Variants in TDP2 observed in about 807,000 individuals in gnomAD.
TDP2 encodes the protein tyrosyl-DNA phosphodiesterase 2.
Under a neutral mutation model 42.8 loss-of-function variants are expected in TDP2, and 38 were observed. The ratio of observed to expected loss-of-function variants is 0.89; its 90% CI spans 0.68 to 1.16. The LOEUF (loss-of-function observed/expected upper bound fraction) is 1.16, where lower values mean the gene tolerates loss of function less well. Among genes scored for constraint, TDP2 ranks in the 50% most tolerant of loss-of-function variants. The pLI is 0.00. For synonymous variants in TDP2, 173 were observed against 150.6 expected (o/e 1.15, Z -1.09); for missense variants, 439 against 439.3 (o/e 1.00, Z 0.01).
intron 1 of TDP2, 43 bp from the exon 2 acceptor site, chr6:24,666,654 C>A (rs1188604268): frequency 3.7e-6 from 6 of 1,613,864 alleles, no homozygotes; most frequent in East Asian, 2.2e-5. Context: ...TGCGCTCCAC[C>A]GACCTAGGTA....
At chr6:24,661,446 C>T (rs1778146351) in intron 2 of TDP2, among the ~76,000 whole-genome samples, 1 of 152,210 alleles carries the variant, frequency 6.6e-6, no homozygotes, top group Non-Finnish European at 1.5e-5. Flanking sequence ...TGGGCACCTC[C>T]TTACTTTCTA....
At chr6:24,664,700 A>G (rs1362681953) in intron 2 of TDP2, among the ~76,000 whole-genome samples, 2 of 152,252 alleles carry the variant, frequency 1.3e-5, no homozygotes, top group East Asian at 3.9e-4. Context: ...TAAAGCCAAC[A>G]TCAAAAATCT....
At chr6:24,658,843 A>G (rs2143340) in intron 2 of TDP2, 109 bp from the exon 3 acceptor site, 178,647 of 1,101,538 alleles carry the variant, frequency 0.16, 14,973 homozygotes, top group South Asian at 0.26. Flanking sequence ...AAGAGCCCTA[A>G]AAGTGACACT....
chr6:24,666,759 A>C lies in TDP2; in HGVS notation c.104T>G (p.Val35Gly). 1.9e-6 allele frequency: 3 copies of C among 1,614,254 alleles called. No homozygotes were observed. The South Asian group carries it at 3.3e-5, about 18-fold the overall frequency. The stretch of plus-strand genomic sequence containing the variant: ...AGCCACTGCGGCATCGCAGCTTGCG[A>C]CCGAGGCAAACTCCACACACAGAAG... ...RRLLCVEFAS[V>G]ASCDAAVAQC... Residue 35 changes from valine to glycine, a missense_variant, in exon 1 of 7, where the codon GTC (valine) becomes GGC (glycine). Coordinates refer to ENST00000378198, the MANE Select transcript of TDP2 (RefSeq NM_016614.3).
intron 6 of TDP2, among the ~76,000 whole-genome samples, chr6:24,651,349 T>C (rs919121608): frequency 1.3e-5 from 2 of 152,172 alleles, no homozygotes; most frequent in South Asian, 2.1e-4. Context: ...TGAATATACA[T>C]GGCCTGTTAC....
At position 24,655,205 on chromosome 6, in the gene TDP2, A is replaced by G. The variant is rs572472127; in HGVS notation, c.518-675T>C. 5.9e-5 allele frequency among the ~76,000 whole-genome samples: 9 copies of G among 152,356 alleles called. No individual in the cohort carries two copies. In the South Asian group the frequency reaches 1.7e-3, roughly 28 times the overall value. On this transcript the variant is annotated intron_variant, in intron 4 of 6. Coordinates refer to ENST00000378198, the MANE Select transcript of TDP2 (RefSeq NM_016614.3). The stretch of plus-strand genomic sequence containing the variant: ...TACTACTTCTCATACTAGAAGTTTC[A>G]GAAAAATTATAGTAAATGAATAAAA...
chr6:24,659,422 T>C (rs1311996827), intron 2 of TDP2, among the ~76,000 whole-genome samples: 1 of 152,242 alleles, frequency 6.6e-6, no homozygotes, highest in African/African-American at 2.4e-5. Context: ...GGGTGTGTCA[T>C]GGGTGCGTCC....
At chr6:24,659,954 C>T (rs1778115696) in intron 2 of TDP2, among the ~76,000 whole-genome samples, 1 of 152,170 alleles carries the variant, frequency 6.6e-6, no homozygotes, top group African/African-American at 2.4e-5. Context: ...TGTTCCAGTC[C>T]ATAGTCTTGA....
At chr6:24,666,127 C>T in intron 2 of TDP2, 1 of 1,549,012 alleles carries the variant, frequency 6.5e-7, no homozygotes, top group African/African-American at 1.4e-5. Flanking sequence ...ACCTGTTATT[C>T]TGGCCGGTCA....
At chr6:24,660,464 C>T (rs1481691634) in intron 2 of TDP2, among the ~76,000 whole-genome samples, 1 of 152,160 alleles carries the variant, frequency 6.6e-6, no homozygotes, top group East Asian at 1.9e-4. Context: ...ATGGCACTTA[C>T]TTGTGTTCTA....
At chr6:24,653,829 C>A (rs1309968821) in intron 5 of TDP2, among the ~76,000 whole-genome samples, 2 of 152,206 alleles carry the variant, frequency 1.3e-5, no homozygotes, top group African/African-American at 4.8e-5. Context: ...ACACCTCTTG[C>A]AACTTGCAAA....
intron 2 of TDP2, among the ~76,000 whole-genome samples, chr6:24,663,075 C>G (rs1313882630): frequency 6.6e-6 from 1 of 152,152 alleles, no homozygotes; most frequent in East Asian, 1.9e-4. Flanking sequence ...AAACACAACC[C>G]CTACTTTCCT....
chr6:24,654,438 T>C lies in TDP2; in HGVS notation c.610A>G (p.Met204Val). Residue 204 changes from methionine to valine, a missense_variant, in exon 5 of 7, where the codon ATG becomes GTG. Transcript: ENST00000378198. ...TGCACACATAAAAGGTTTCTCATCA[T>C]TTTGGTACTTGGAAAAGGAATAATC... ...QEIIPFPSTK[M>V]MRNLLCVHVN... The C allele has an allele frequency of 6.4e-7, 1 of 1,561,288 alleles. No individual in the cohort carries two copies.
At position 24,650,568 on chromosome 6, in the gene TDP2, CCT is replaced by C. The variant is rs1777955699; in HGVS notation, c.*218_*219del. 2 of 543,190 alleles carry C rather than the reference CCT, an allele frequency of 3.7e-6. No homozygotes were observed. Among genetic ancestry groups the C allele is most frequent in the East Asian group, 3.2e-5 (1 of 31,296 alleles). 33.6% of individuals were successfully genotyped at this position (543,190 alleles called of 1,614,324 possible). A position where few individuals can be genotyped will look rare whatever the true frequency, so the allele number is the denominator to read the frequency against. On this transcript the variant is annotated 3_prime_UTR_variant, in exon 7 of 7. Transcript: ENST00000378198. ...TTGAAAACTCTGACAGGCTTTGTGC[CCT>C]TTTTATTAAATGGCCTCACATCCTG...
intron 4 of TDP2, among the ~76,000 whole-genome samples, chr6:24,656,782 C>T (rs1040722483): frequency 2.0e-5 from 3 of 152,122 alleles, no homozygotes; most frequent in Admixed American, 6.5e-5. Flanking sequence ...TACAAAGCTA[C>T]GACACAGACA....
At position 24,650,783 on chromosome 6, in the gene TDP2, G is replaced by A. The variant is rs778875394; in HGVS notation, c.*5C>T. 2 of 1,611,680 alleles carry A rather than the reference G, an allele frequency of 1.2e-6. No homozygotes were observed. Among genetic ancestry groups the A allele is most frequent in the South Asian group, 1.1e-5 (1 of 90,898 alleles). On this transcript the variant is annotated 3_prime_UTR_variant, in exon 7 of 7. Transcript: ENST00000378198. ...TCAGGGCAAAACCCACACTTGAAAA[G>A]CATTTTACAATATTATATCTAAGTT...
intron 6 of TDP2, 63 bp from the exon 7 acceptor site, chr6:24,651,132 A>AG: frequency 7.4e-7 from 1 of 1,351,168 alleles, no homozygotes; most frequent in Non-Finnish European, 1.0e-6. Context: ...CTTAAAAAAA[A>AG]AAAAAAAAAG....
Position 24,652,396 on chromosome 6 carries a change from T to A in TDP2, c.807+587A>T, listed in dbSNP as rs139013425. 1.8e-4 allele frequency among the ~76,000 whole-genome samples: 27 copies of A among 152,310 alleles called. No individual in the cohort carries two copies. In the East Asian group the frequency reaches 5.0e-3, roughly 28 times the overall value. ...TGGGTATTTACACCTAGAAGTGTAATTGATGCATCACATTAGTAATTCCAT... is the reference window on the plus strand; with the variant it reads ...TGGGTATTTACACCTAGAAGTGTAAATGATGCATCACATTAGTAATTCCAT... On this transcript the variant is annotated intron_variant, in intron 6 of 6. Transcript: ENST00000378198.
Position 24,654,289 on chromosome 6 carries a change from A to G in TDP2, c.636+123T>C, listed in dbSNP as rs556897889. ...TTTTAGAGAGTGTTAAAGACTATCTAAAAGAATCTACATGTGTGAAGCAAA... is the reference window on the plus strand; with the variant it reads ...TTTTAGAGAGTGTTAAAGACTATCTGAAAGAATCTACATGTGTGAAGCAAA... On this transcript the variant is annotated intron_variant, in intron 5 of 6. Transcript: ENST00000378198. 4 of 514,422 alleles carry G rather than the reference A, an allele frequency of 7.8e-6. No individual in the cohort carries two copies. The South Asian group carries it at 9.2e-5, about 12-fold the overall frequency. 31.9% of individuals were successfully genotyped at this position (514,422 alleles called of 1,614,324 possible). A position where few individuals can be genotyped will look rare whatever the true frequency, so the allele number is the denominator to read the frequency against.
Sources: allele counts gnomAD v4.1 joint callset (sites outside exome capture counted in the v4.1 genomes callset), GRCh38; gene constraint gnomAD v4.1.1; transcripts MANE v1.5; gene names NCBI Gene and HGNC (gene_info 2026-07-23, HGNC 2026-07-21).